Variants in VIPAS39 observed in about 807,000 individuals in gnomAD.
The protein encoded by VIPAS39 is VPS33B interacting protein, apical-basolateral polarity regulator, spe-39 homolog, also known as spermatogenesis-defective protein 39 homolog.
A neutral mutation model predicts 84.7 loss-of-function variants in VIPAS39; 63 were observed. The ratio of observed to expected loss-of-function variants is 0.74; its 90% CI spans 0.61 to 0.92. The LOEUF is 0.92. VIPAS39 is among the 40% of genes least tolerant of loss of function. The probability of loss-of-function intolerance (pLI) is 0.00; values close to 1 mark genes in which losing one functional copy is unlikely to be tolerated. For missense variants in VIPAS39, 499 were observed against 604.5 expected (o/e 0.83, Z 1.83); for synonymous variants, 192 against 216.5 (o/e 0.89, Z 0.99).
intron 6 of VIPAS39, among the ~76,000 whole-genome samples, chr14:77,448,944 T>G (rs1198166381): frequency 6.6e-6 from 1 of 152,234 alleles, no homozygotes; most frequent in Non-Finnish European, 1.5e-5. Flanking sequence ...GGTTTCTTCC[T>G]TATGAATCAA....
intron 19 of VIPAS39, 137 bp from the exon 20 acceptor site, chr14:77,427,773 G>C: frequency 8.9e-7 from 1 of 1,122,342 alleles, no homozygotes; most frequent in Non-Finnish European, 1.3e-6. Flanking sequence ...CAGGAGGTGG[G>C]GGATGTTGAG....
At chr14:77,428,555 T>C in intron 18 of VIPAS39, 81 bp from the exon 19 acceptor site, 1 of 1,228,682 alleles carries the variant, frequency 8.1e-7, no homozygotes, top group Non-Finnish European at 1.2e-6. Context: ...CTCAAACTCC[T>C]GGGCTCAAGC....
At position 77,444,253 on chromosome 14, in the gene VIPAS39, G is replaced by A. The variant is rs753137501; in HGVS notation, c.593C>T (p.Thr198Ile). Residue 198 changes from threonine (T) to isoleucine (I), a missense_variant, in exon 8 of 20, where the codon ACT (threonine) becomes ATT (isoleucine). Coordinates refer to ENST00000557658, the MANE Select transcript of VIPAS39 (RefSeq NM_001193315.2). Reference sequence around the variant, plus strand: ...ACAACAAATCCGACAACTCACTGCAGTAATGACGTTTCCATCATGCATGCT... The same window carrying A: ...ACAACAAATCCGACAACTCACTGCAATAATGACGTTTCCATCATGCATGCT... ...AVSMHDGNVI[T>I]AVLIFLKRTL... 8 of 1,613,198 alleles carry A rather than the reference G, an allele frequency of 5.0e-6. No individual in the cohort carries two copies.
At chr14:77,427,763 C>T in intron 19 of VIPAS39, 127 bp from the exon 20 acceptor site, 1 of 1,270,450 alleles carries the variant, frequency 7.9e-7, no homozygotes, top group Non-Finnish European at 1.1e-6. Context: ...AGAATCAGAT[C>T]AGGAGGTGGG....
chr14:77,437,118 C>T (rs2078624984), intron 12 of VIPAS39, among the ~76,000 whole-genome samples: 1 of 152,168 alleles, frequency 6.6e-6, no homozygotes, highest in African/African-American at 2.4e-5. Flanking sequence ...GCCGGGAAAT[C>T]ATGTCACATG....
chr14:77,455,828 G>A (rs903169702), intron 1 of VIPAS39, among the ~76,000 whole-genome samples: 2 of 152,096 alleles, frequency 1.3e-5, no homozygotes, highest in Non-Finnish European at 2.9e-5. Context: ...CCCTTCTCAC[G>A]GCAGACATCA....
At chr14:77,428,830 G>A (rs2139729724) in intron 18 of VIPAS39, among the ~76,000 whole-genome samples, 176 bp downstream of exon 18, 1 of 152,250 alleles carries the variant, frequency 6.6e-6, no homozygotes, top group East Asian at 1.9e-4. Context: ...GCAGTCAGAG[G>A]GCTGGGAAAA....
chr14:77,453,535 A>C (rs1276089063), intron 2 of VIPAS39, 134 bp from the exon 3 acceptor site: 2 of 840,310 alleles, frequency 2.4e-6, no homozygotes. Context: ...AGCCTAGCAT[A>C]CTACATATTT....
intron 6 of VIPAS39, among the ~76,000 whole-genome samples, chr14:77,448,847 T>C (rs1338071165): frequency 6.6e-6 from 1 of 152,194 alleles, no homozygotes; most frequent in East Asian, 1.9e-4. Flanking sequence ...AGAATCACGT[T>C]TTAGGATTCT....
Position 77,457,477 on chromosome 14 carries a change from G to T in VIPAS39, c.-1+18C>A. 1 of 1,366,388 alleles carries T rather than the reference G, an allele frequency of 7.3e-7. No homozygotes were observed. The highest frequency in any genetic ancestry group is 1.0e-6 in the Non-Finnish European group (1 of 995,868). The allele number at this position is 1,366,388 out of a possible 1,614,324, so 84.6% of individuals were successfully genotyped here. A position where few individuals can be genotyped will look rare whatever the true frequency, so the allele number is the denominator to read the frequency against. Reference sequence around the variant, plus strand: ...ATCCAGCCAGATACGCGACCCAAGGGGCTTGGGACACCCTCACCTCTTCCG... The same window carrying T: ...ATCCAGCCAGATACGCGACCCAAGGTGCTTGGGACACCCTCACCTCTTCCG... On this transcript the variant is annotated intron_variant, in intron 1 of 19. Transcript: ENST00000557658.
chr14:77,435,214 T>G, intron 14 of VIPAS39, 45 bp downstream of exon 14: 5 of 1,613,190 alleles, frequency 3.1e-6, no homozygotes, highest in Non-Finnish European at 4.2e-6. Context: ...CTATCTTCTT[T>G]TTGTGCAATG....
chr14:77,435,790 A>C, intron 13 of VIPAS39, 54 bp downstream of exon 13: 1 of 1,580,368 alleles, frequency 6.3e-7, no homozygotes, highest in Admixed American at 1.7e-5. Context: ...CTAGATGCTG[A>C]ACGGCACTGA....
rs1178450698 is a variant in VIPAS39, at chr14:77,453,376, T to C, written c.119A>G (p.Asn40Ser). The C allele has an allele frequency of 6.2e-7, 1 of 1,614,092 alleles. No homozygotes were observed. The highest frequency in any genetic ancestry group is 2.2e-5 in the East Asian group (1 of 44,880). ...ATCATCCACGAAGTCTCGGAGGCTG[T>C]TCACCGCCCGCTTGGACTCCTTTAA... is the stretch of plus-strand genomic sequence containing the variant. ...SQLKESKRAV[N>S]SLRDFVDDDD... The change falls in exon 3 of 20, where the codon AAC becomes AGC. Residue 40 changes from asparagine (N) to serine (S), a missense_variant. By Grantham distance (46) the Asn-to-Ser change is conservative. Coordinates refer to ENST00000557658, the MANE Select transcript of VIPAS39 (RefSeq NM_001193315.2).
At chr14:77,435,071 T>C (rs568837696) in intron 14 of VIPAS39, 188 bp downstream of exon 14, 3 of 807,750 alleles carry the variant, frequency 3.7e-6, no homozygotes, top group Non-Finnish European at 5.9e-6. Context: ...CTACAAACCT[T>C]ACAAACCTCT....
At chr14:77,457,381 C>G in intron 1 of VIPAS39, 114 bp downstream of exon 1, 1 of 1,535,652 alleles carries the variant, frequency 6.5e-7, no homozygotes, top group Non-Finnish European at 8.7e-7. Flanking sequence ...AGAAGAGAAT[C>G]AGGCCTGTAG....
rs1474121470 is a variant in VIPAS39 at position 77,436,009 on chromosome 14, GCTCACGGTGC to G, written c.837-100_837-91del. 7 of 1,277,946 alleles carry G rather than the reference GCTCACGGTGC, an allele frequency of 5.5e-6. No individual in the cohort carries two copies. The African/African-American group carries it at 8.8e-5, about 16-fold the overall frequency. 79.2% of individuals were successfully genotyped at this position (1,277,946 alleles called of 1,614,324 possible). ...CAAATCGCCAGCATAAGTATAAGAG[GCTCACGGTGC>G]CTCACAAGTCTGATCTCAGTTCACC... On this transcript the variant is annotated intron_variant, in intron 12 of 19. Coordinates refer to ENST00000557658, the MANE Select transcript of VIPAS39 (RefSeq NM_001193315.2).
intron 1 of VIPAS39, among the ~76,000 whole-genome samples, chr14:77,454,476 AC>A (rs1162684972): frequency 1.3e-5 from 2 of 152,170 alleles, no homozygotes; most frequent in Admixed American, 6.5e-5. Context: ...GGAGTTCGAG[AC>A]CAGCCTGACC....
intron 17 of VIPAS39, 45 bp from the exon 18 acceptor site, chr14:77,429,140 G>T: frequency 6.5e-7 from 1 of 1,545,704 alleles, no homozygotes; most frequent in South Asian, 1.1e-5. Flanking sequence ...ACACCCATAA[G>T]GCACAGAGCT....
intron 10 of VIPAS39, 21 bp downstream of exon 10, chr14:77,442,538 AG>A: frequency 6.3e-7 from 1 of 1,590,092 alleles, no homozygotes; most frequent in Non-Finnish European, 8.6e-7. Flanking sequence ...TAAACTTTAT[AG>A]ACCAGATGAT....
Sources: allele counts gnomAD v4.1 joint callset (sites outside exome capture counted in the v4.1 genomes callset), GRCh38; gene constraint gnomAD v4.1.1; transcripts MANE v1.5; gene names NCBI Gene and HGNC (gene_info 2026-07-23, HGNC 2026-07-21).